The following STX16 variants were observed in gnomAD, a reference collection of about 807,000 sequenced individuals.
The protein encoded by STX16 is syntaxin-16.
A neutral mutation model predicts 42.7 loss-of-function variants in STX16; 28 were observed. That is an observed-to-expected ratio of 0.66 (90% CI 0.49 to 0.90). STX16 has a LOEUF of 0.90. Among genes scored for constraint, STX16 ranks in the 40% least tolerant of loss-of-function variants. The probability of loss-of-function intolerance (pLI) is 0.00; values close to 1 mark genes in which losing one functional copy is unlikely to be tolerated. For synonymous variants in STX16, 156 were observed against 155.2 expected, an observed-to-expected ratio of 1.00 and a Z score of -0.04; for missense variants, 361 against 420.9, an observed-to-expected ratio of 0.86 and a Z score of 1.24.
At chr20:58,652,329 C>G in intron 1 of STX16, 191 bp downstream of exon 1, 1 of 790,146 alleles carries the variant, frequency 1.3e-6, no homozygotes. Flanking sequence ...GCTGTGAGGC[C>G]GCAGCTCCAC....
chr20:58,653,038 G>A (rs1044607259), intron 1 of STX16, among the ~76,000 whole-genome samples: 2 of 152,176 alleles, frequency 1.3e-5, no homozygotes, highest in African/African-American at 4.8e-5. Flanking sequence ...ATCTATACCA[G>A]ACAGTGATCG....
chr20:58,659,940 A>G (rs2083662608), intron 2 of STX16, among the ~76,000 whole-genome samples: 1 of 152,216 alleles, frequency 6.6e-6, no homozygotes, highest in Non-Finnish European at 1.5e-5. Flanking sequence ...TTGAGAATTA[A>G]TGTCTGTAGC....
In STX16 at chr20:58,679,418, G is replaced by C. The variant is rs997164073; in HGVS notation, c.*3127G>C. On this transcript the variant is annotated 3_prime_UTR_variant, in exon 9 of 9. Coordinates refer to ENST00000371141, the MANE Select transcript of STX16 (RefSeq NM_001001433.3). ...TTAGTGAAGCACTTCTATCCAAAAT[G>C]ACTTTTTTGTCCTTTTTTAAAACCA... 3 of 152,590 alleles carry C rather than the reference G, an allele frequency of 2.0e-5. No homozygotes were observed. Among genetic ancestry groups the C allele is most frequent in the Non-Finnish European group, 2.9e-5 (2 of 68,018 alleles). 9.5% of individuals were successfully genotyped at this position (152,590 alleles called of 1,614,324 possible). A position where few individuals can be genotyped will look rare whatever the true frequency, so the allele number is the denominator to read the frequency against.
chr20:58,652,289 A>G, intron 1 of STX16, 151 bp downstream of exon 1: 1 of 1,150,582 alleles, frequency 8.7e-7, no homozygotes, highest in South Asian at 1.3e-5. Flanking sequence ...GTCAGGGGGC[A>G]TCTGTAGCCC....
chr20:58,675,020 C>G (rs980612160), intron 8 of STX16, among the ~76,000 whole-genome samples: 1 of 152,156 alleles, frequency 6.6e-6, no homozygotes, highest in African/African-American at 2.4e-5. Context: ...ATTGGCTTCC[C>G]TGGTGTTCTG....
chr20:58,675,385 C>G (rs1341466064), intron 8 of STX16, among the ~76,000 whole-genome samples: 2 of 152,224 alleles, frequency 1.3e-5, no homozygotes, highest in African/African-American at 4.8e-5. Context: ...CTCCCGGCGC[C>G]CTCTGAACTC....
rs903906121 is a variant in STX16, at chr20:58,678,796, C to T, written c.*2505C>T. The T allele has an allele frequency of 9.2e-5, 14 of 152,182 alleles. No individual in the cohort carries two copies. Among genetic ancestry groups the T allele is most frequent in the African/African-American group, 3.4e-4 (14 of 41,438 alleles). 9.4% of individuals were successfully genotyped at this position (152,182 alleles called of 1,614,324 possible). ...CCTGTACTTGGGGAGAGATCAGTAG[C>T]ATTTGAGGAAGTAAGAGAAAAGAAT... is the stretch of plus-strand genomic sequence containing the variant. On this transcript the variant is annotated 3_prime_UTR_variant, in exon 9 of 9. Coordinates refer to ENST00000371141, the MANE Select transcript of STX16 (RefSeq NM_001001433.3).
At chr20:58,668,150 G>C in intron 4 of STX16, 23 bp downstream of exon 4, 1 of 1,613,196 alleles carries the variant, frequency 6.2e-7, no homozygotes, top group South Asian at 1.1e-5. Flanking sequence ...AGTGAGTCCT[G>C]GGGAAACCAG....
chr20:58,663,409 T>C (rs1450834844), intron 2 of STX16, among the ~76,000 whole-genome samples: 4 of 152,210 alleles, frequency 2.6e-5, no homozygotes, highest in Non-Finnish European at 4.4e-5. Context: ...AATGGACAAA[T>C]GTCAACATTT....
At chr20:58,659,710 T>G in intron 2 of STX16, 76 bp downstream of exon 2, 1 of 1,514,786 alleles carries the variant, frequency 6.6e-7, no homozygotes, top group Non-Finnish European at 9.1e-7. Flanking sequence ...AAGTCTTTGC[T>G]CATATATAAA....
chr20:58,669,349 C>T lies in STX16; in HGVS notation c.452C>T (p.Ser151Phe). Residue 151 changes from serine to phenylalanine, a missense_variant, in exon 5 of 9, where the codon TCC (serine) becomes TTC (phenylalanine). Ser to Phe is a radical substitution (Grantham distance 155, BLOSUM62 -2). Transcript: ENST00000371141. ...CTGCCGAGCCGGGCCCGGGCCTGCT[C>T]CGAGCAGGAGGGGCGGCTGCTTGGG... ...QALPSRARACSEQEGRLLGNV... is the reference protein window; with the variant it reads ...QALPSRARACFEQEGRLLGNV... The T allele has an allele frequency of 6.2e-7, 1 of 1,612,082 alleles. No homozygotes were observed. The highest frequency in any genetic ancestry group is 8.5e-7 in the Non-Finnish European group (1 of 1,179,220).
rs571977927 is a variant in STX16, at chr20:58,654,189, A to T, written c.132+2051A>T. 8.5e-5 allele frequency among the ~76,000 whole-genome samples: 13 copies of T among 152,286 alleles called. No homozygotes were observed. The East Asian group carries it at 2.3e-3, about 27-fold the overall frequency. ...TACCATTGAAAATGTTAATATTTAT[A>T]TTAGTCTGACCATTTAAAATCTTTC... is the stretch of plus-strand genomic sequence containing the variant. On this transcript the variant is annotated intron_variant, in intron 1 of 8. Transcript: ENST00000371141.
At chr20:58,675,141 A>AGCT (rs1235010282) in intron 8 of STX16, among the ~76,000 whole-genome samples, 1 of 151,472 alleles carries the variant, frequency 6.6e-6, no homozygotes, top group Non-Finnish European at 1.5e-5. Flanking sequence ...GAGCGTCGGG[A>AGCT]GCTGCTCCCC....
At chr20:58,662,408 G>A (rs2083721494) in intron 2 of STX16, among the ~76,000 whole-genome samples, 1 of 152,240 alleles carries the variant, frequency 6.6e-6, no homozygotes, top group Non-Finnish European at 1.5e-5. Context: ...CTTCCCCTCA[G>A]AGTATGTATG....
At position 58,672,796 on chromosome 20, in the gene STX16, A is replaced by G. The variant is rs566707356; in HGVS notation, c.793-835A>G. ...TTTGGCAGGTTATTGTGTAATGGCA[A>G]TTGGAACCACTAGCGTTCAAGTAGA... is the stretch of plus-strand genomic sequence containing the variant. On this transcript the variant is annotated intron_variant, in intron 7 of 8. Coordinates refer to ENST00000371141, the MANE Select transcript of STX16 (RefSeq NM_001001433.3). 3.2e-4 allele frequency among the ~76,000 whole-genome samples: 48 copies of G among 152,300 alleles called. No individual in the cohort carries two copies. In the South Asian group the frequency reaches 8.5e-3, roughly 27 times the overall value.
At chr20:58,660,551 T>C (rs1242536612) in intron 2 of STX16, among the ~76,000 whole-genome samples, 5 of 152,080 alleles carry the variant, frequency 3.3e-5, no homozygotes, top group Non-Finnish European at 7.4e-5. Context: ...CTAAATAGCC[T>C]TCATTGGGAA....
At chr20:58,656,906 A>G (rs933949381) in intron 1 of STX16, among the ~76,000 whole-genome samples, 100 of 152,306 alleles carry the variant, frequency 6.6e-4, no homozygotes, top group Middle Eastern at 3.4e-3. Context: ...AATAAGTACT[A>G]TTGTTTTTCT....
chr20:58,665,419 G>C (rs936268435), intron 2 of STX16, among the ~76,000 whole-genome samples: 10 of 152,158 alleles, frequency 6.6e-5, no homozygotes, highest in Admixed American at 6.5e-4. Flanking sequence ...CCTGTGGAGT[G>C]ATTGGCACCT....
chr20:58,667,681 AT>A (rs1044446695), intron 3 of STX16, 84 bp downstream of exon 3: 2 of 1,218,968 alleles, frequency 1.6e-6, no homozygotes, highest in African/African-American at 3.0e-5. Context: ...ATATAAACGA[AT>A]TTGGCTACAC....
Sources: allele counts gnomAD v4.1 joint callset (sites outside exome capture counted in the v4.1 genomes callset), GRCh38; gene constraint gnomAD v4.1.1; transcripts MANE v1.5; gene names NCBI Gene and HGNC (gene_info 2026-07-23, HGNC 2026-07-21).